CACNA2D1: variants seen among roughly 807,000 people sequenced by gnomAD.
CACNA2D1 encodes calcium voltage-gated channel auxiliary subunit alpha2delta 1.
Under a neutral mutation model 171.5 loss-of-function variants are expected in CACNA2D1, and 53 were observed. That is an observed-to-expected ratio of 0.31 (90% CI 0.25 to 0.39). The LOEUF (loss-of-function observed/expected upper bound fraction) is 0.39, where lower values mean the gene tolerates loss of function less well. CACNA2D1 is among the 10% of genes least tolerant of loss of function. The pLI, the probability that CACNA2D1 is intolerant of heterozygous loss-of-function variation, is 1.00. For synonymous variants in CACNA2D1, 442 were observed against 443.1 expected (o/e 1.00, Z 0.03); for missense variants, 903 against 1,299.8 (o/e 0.69, Z 4.69).
chr7:82,213,764 G>T (rs555593726), intron 3 of CACNA2D1, among the ~76,000 whole-genome samples: 1 of 152,164 alleles, frequency 6.6e-6, no homozygotes, highest in South Asian at 2.1e-4. Flanking sequence ...TGGCAGCTGT[G>T]TACAGACTCA....
chr7:82,432,572 C>T (rs1244548644), intron 1 of CACNA2D1, among the ~76,000 whole-genome samples: 2 of 152,218 alleles, frequency 1.3e-5, no homozygotes, highest in Non-Finnish European at 2.9e-5. Context: ...AACTCCTGGG[C>T]TCAAGCGATC....
chr7:82,155,298 C>G (rs1178055750), intron 4 of CACNA2D1, among the ~76,000 whole-genome samples: 3 of 152,030 alleles, frequency 2.0e-5, no homozygotes, highest in Middle Eastern at 3.2e-3. Context: ...ATACAGTACT[C>G]ACCACAAATA....
intron 3 of CACNA2D1, among the ~76,000 whole-genome samples, chr7:82,285,018 A>T (rs971315046): frequency 6.6e-6 from 1 of 152,116 alleles, no homozygotes; most frequent in Non-Finnish European, 1.5e-5. Context: ...CAATAGATCA[A>T]ATAAGCCCGG....
At chr7:82,417,121 T>C (rs971469609) in intron 1 of CACNA2D1, among the ~76,000 whole-genome samples, 1 of 152,210 alleles carries the variant, frequency 6.6e-6, no homozygotes, top group East Asian at 1.9e-4. Flanking sequence ...ATGTTACATA[T>C]ACACATTAGT....
At chr7:82,422,142 C>T (rs1828772896) in intron 1 of CACNA2D1, among the ~76,000 whole-genome samples, 1 of 152,096 alleles carries the variant, frequency 6.6e-6, no homozygotes, top group South Asian at 2.1e-4. Flanking sequence ...GTTTAAGGGT[C>T]ATCTTGCCAA....
intron 5 of CACNA2D1, among the ~76,000 whole-genome samples, chr7:82,118,242 C>T (rs1789306604): frequency 6.6e-6 from 1 of 152,056 alleles, no homozygotes; most frequent in Admixed American, 6.6e-5. Flanking sequence ...GGTTGCCTTC[C>T]CCTGGTAACA....
intron 3 of CACNA2D1, among the ~76,000 whole-genome samples, chr7:82,249,437 G>A (rs1238538654): frequency 6.6e-6 from 1 of 152,158 alleles, no homozygotes; most frequent in Non-Finnish European, 1.5e-5. Context: ...CAAATGTAGG[G>A]AACAAACAAA....
At chr7:82,063,851 A>G (rs1348399046) in intron 9 of CACNA2D1, among the ~76,000 whole-genome samples, 1 of 151,598 alleles carries the variant, frequency 6.6e-6, no homozygotes, top group African/African-American at 2.4e-5. Context: ...TTCACTTTTA[A>G]AAGTCCCAGA....
chr7:82,136,691 G>T lies in CACNA2D1; in HGVS notation c.355-15C>A. 9 of 1,482,698 alleles carry T rather than the reference G, an allele frequency of 6.1e-6. No individual in the cohort carries two copies. Among genetic ancestry groups the T allele is most frequent in the Non-Finnish European group, 8.3e-6 (9 of 1,082,858 alleles). 91.8% of individuals were successfully genotyped at this position (1,482,698 alleles called of 1,614,324 possible). Reference sequence around the variant, plus strand: ...ACTTCATTGCTCTACAAAAAAAAAAGAACGCTTTATTGATTTTAATAAAAA... The same window carrying T: ...ACTTCATTGCTCTACAAAAAAAAAATAACGCTTTATTGATTTTAATAAAAA... On this transcript the variant is annotated splice_polypyrimidine_tract_variant and intron_variant, in intron 4 of 38. Transcript: ENST00000356860.
Position 82,012,254 on chromosome 7 carries a change from GAA to G in CACNA2D1, c.1273-13_1273-12del, listed in dbSNP as rs4019047. The G allele has an allele frequency of 1.3e-3, 1,519 of 1,211,740 alleles. No individual in the cohort carries two copies. The highest frequency in any genetic ancestry group is 1.4e-3 in the Non-Finnish European group (1,177 of 846,386). The allele number at this position is 1,211,740 out of a possible 1,614,324, so 75.1% of individuals were successfully genotyped here. A position where few individuals can be genotyped will look rare whatever the true frequency, so the allele number is the denominator to read the frequency against. On this transcript the variant is annotated splice_polypyrimidine_tract_variant and intron_variant, in intron 14 of 38. Coordinates refer to ENST00000356860, the MANE Select transcript of CACNA2D1 (RefSeq NM_000722.4). Reference sequence around the variant, plus strand: ...AACATCCAAATATTCCTGTTTATGGGAAAAAAAAAAAAAGTCGTGGTTAAAAC... The same window carrying G: ...AACATCCAAATATTCCTGTTTATGGGAAAAAAAAAAAGTCGTGGTTAAAAC...
intron 4 of CACNA2D1, among the ~76,000 whole-genome samples, chr7:82,148,728 C>G (rs1470780072): frequency 6.6e-6 from 1 of 152,124 alleles, no homozygotes; most frequent in Non-Finnish European, 1.5e-5. Context: ...ACCTCCGCCT[C>G]CCAGGTTCAA....
intron 1 of CACNA2D1, among the ~76,000 whole-genome samples, chr7:82,365,533 G>A (rs1251086197): frequency 6.6e-6 from 1 of 152,184 alleles, no homozygotes; most frequent in Non-Finnish European, 1.5e-5. Context: ...CTTTCATTGT[G>A]AGTAAGGGAT....
intron 4 of CACNA2D1, among the ~76,000 whole-genome samples, chr7:82,148,543 T>C (rs554978131): frequency 2.0e-5 from 3 of 152,240 alleles, no homozygotes; most frequent in Admixed American, 1.3e-4. Flanking sequence ...AATAAAGACT[T>C]TTCATTATTA....
chr7:82,176,698 T>A (rs1216118267), intron 3 of CACNA2D1, among the ~76,000 whole-genome samples: 9 of 151,716 alleles, frequency 5.9e-5, no homozygotes, highest in Admixed American at 4.6e-4. Context: ...GAAAAGTTAT[T>A]TCTAGGACAA....
intron 10 of CACNA2D1, among the ~76,000 whole-genome samples, chr7:82,048,615 T>C (rs1464657756): frequency 6.6e-6 from 1 of 152,156 alleles, no homozygotes; most frequent in East Asian, 1.9e-4. Flanking sequence ...AAGATTGCAG[T>C]GTATGCATTT....
intron 3 of CACNA2D1, among the ~76,000 whole-genome samples, chr7:82,294,399 G>C (rs1421986026): frequency 6.6e-6 from 1 of 151,780 alleles, no homozygotes; most frequent in African/African-American, 2.4e-5. Flanking sequence ...CTAGGAATTC[G>C]GTTATTCACA....
At chr7:82,012,365 T>A in intron 14 of CACNA2D1, 122 bp from the exon 15 acceptor site, 1 of 670,776 alleles carries the variant, frequency 1.5e-6, no homozygotes, top group South Asian at 1.6e-5. Flanking sequence ...TTATTGACAC[T>A]GAATATATAA....
intron 10 of CACNA2D1, among the ~76,000 whole-genome samples, chr7:82,047,969 C>T (rs2131286089): frequency 6.6e-6 from 1 of 152,202 alleles, no homozygotes; most frequent in East Asian, 1.9e-4. Context: ...GATGATCAGG[C>T]AGCTATCTAG....
chr7:82,246,608 AG>A (rs907848794), intron 3 of CACNA2D1, among the ~76,000 whole-genome samples: 5 of 152,114 alleles, frequency 3.3e-5, no homozygotes, highest in African/African-American at 1.2e-4. Context: ...GTTGAAGGGT[AG>A]GGGGCTAAGA....
Sources: gnomAD v4.1 joint callset for allele counts (sites outside exome capture counted in the v4.1 genomes callset) on GRCh38, gnomAD v4.1.1 for gene constraint, MANE v1.5 for transcripts, NCBI Gene and HGNC (gene_info 2026-07-23, HGNC 2026-07-21) for gene names.